STAM: variants seen among roughly 807,000 people sequenced by gnomAD.
The protein encoded by STAM is signal transducing adapter molecule 1.
In STAM, 16 loss-of-function variants were observed where a neutral mutation model predicts 63.4. That is an observed-to-expected ratio of 0.25 (90% CI 0.17 to 0.38). The LOEUF (loss-of-function observed/expected upper bound fraction) is 0.38, where lower values mean the gene tolerates loss of function less well. Ranked by LOEUF, STAM falls within the 10% of genes least tolerant of loss-of-function variation. STAM has a pLI of 1.00. For synonymous variants in STAM, 238 were observed against 223.9 expected (o/e 1.06, Z -0.56); for missense variants, 636 against 657.1 (o/e 0.97, Z 0.35).
At chr10:17,650,715 T>C (rs1833702754) in intron 1 of STAM, among the ~76,000 whole-genome samples, 1 of 152,272 alleles carries the variant, frequency 6.6e-6, no homozygotes, top group African/African-American at 2.4e-5. Context: ...ATTTTCCAGA[T>C]GGCTGATGGT....
intron 9 of STAM, among the ~76,000 whole-genome samples, chr10:17,701,541 C>A (rs1434207093): frequency 2.6e-5 from 4 of 152,162 alleles, no homozygotes; most frequent in African/African-American, 9.7e-5. Context: ...TGAGTAGTAG[C>A]AACAGAGATC....
chr10:17,673,753 C>T (rs1834734282), intron 2 of STAM, among the ~76,000 whole-genome samples: 1 of 152,230 alleles, frequency 6.6e-6, no homozygotes, highest in Non-Finnish European at 1.5e-5. Flanking sequence ...ACTCTGGAGT[C>T]AGATTGTCTG....
At chr10:17,707,990 A>G (rs1047709236) in intron 12 of STAM, among the ~76,000 whole-genome samples, 14 of 151,840 alleles carry the variant, frequency 9.2e-5, no homozygotes, top group Admixed American at 8.5e-4. Context: ...TCCTGGGTTC[A>G]GGCCATTCTC....
At chr10:17,654,079 T>C (rs1833845041) in intron 1 of STAM, among the ~76,000 whole-genome samples, 1 of 152,182 alleles carries the variant, frequency 6.6e-6, no homozygotes, top group Non-Finnish European at 1.5e-5. Flanking sequence ...GAGCTGTGTC[T>C]TCAACCTGTG....
intron 2 of STAM, chr10:17,672,964 C>A: frequency 1.1e-6 from 1 of 929,170 alleles, no homozygotes; most frequent in Non-Finnish European, 1.3e-6. Flanking sequence ...TTTTTCTTTT[C>A]CCATCTCAAG....
At position 17,679,852 on chromosome 10, in the gene STAM, G is replaced by A. The variant is rs547590370; in HGVS notation, c.126-4823G>A. Among the ~76,000 whole-genome samples the A allele has an allele frequency of 3.3e-5, 5 of 151,802 alleles. No individual in the cohort carries two copies. In the South Asian group the frequency reaches 8.3e-4, roughly 25 times the overall value. ...GTAGGAATTTGTCCATTTTAACTAG[G>A]TTATCCAATTTGTTGGCATAAAGTT... On this transcript the variant is annotated intron_variant, in intron 2 of 13. Coordinates refer to ENST00000377524, the MANE Select transcript of STAM (RefSeq NM_003473.4).
chr10:17,682,953 G>A (rs1407660212), intron 2 of STAM, among the ~76,000 whole-genome samples: 1 of 152,022 alleles, frequency 6.6e-6, no homozygotes, highest in Non-Finnish European at 1.5e-5. Context: ...TTTCCTTGGG[G>A]GACTTAACCG....
chr10:17,686,032 G>A (rs928980885), intron 4 of STAM, among the ~76,000 whole-genome samples: 1 of 152,084 alleles, frequency 6.6e-6, no homozygotes, highest in East Asian at 1.9e-4. Flanking sequence ...TAGAAAAATA[G>A]CAGTATAGAA....
intron 5 of STAM, among the ~76,000 whole-genome samples, chr10:17,690,999 A>G (rs1835506552): frequency 6.6e-6 from 1 of 152,224 alleles, no homozygotes; most frequent in Non-Finnish European, 1.5e-5. Flanking sequence ...TTCACACACC[A>G]TAAAAGTTCA....
At chr10:17,664,034 A>G (rs1429033339) in intron 2 of STAM, among the ~76,000 whole-genome samples, 2 of 151,982 alleles carry the variant, frequency 1.3e-5, no homozygotes, top group East Asian at 3.8e-4. Flanking sequence ...ATATTAAAAC[A>G]TTTTCTTTGA....
chr10:17,674,342 T>C (rs1417582077), intron 2 of STAM, among the ~76,000 whole-genome samples: 6 of 152,326 alleles, frequency 3.9e-5, no homozygotes, highest in Admixed American at 1.3e-4. Flanking sequence ...CTCAAAGTTA[T>C]GTGGGTTAAC....
intron 2 of STAM, among the ~76,000 whole-genome samples, chr10:17,678,417 TAA>T (rs2131618215): frequency 6.6e-6 from 1 of 152,168 alleles, no homozygotes; most frequent in African/African-American, 2.4e-5. Flanking sequence ...TGTGCCTGGC[TAA>T]GTTTTTGTAT....
intron 8 of STAM, among the ~76,000 whole-genome samples, chr10:17,699,857 C>G (rs1554828128): frequency 6.6e-6 from 1 of 152,032 alleles, no homozygotes; most frequent in Non-Finnish European, 1.5e-5. Context: ...TCACTTAGGC[C>G]ATTGTAAAAC....
chr10:17,671,212 T>A (rs550676684), intron 2 of STAM, among the ~76,000 whole-genome samples: 44 of 152,334 alleles, frequency 2.9e-4, no homozygotes, highest in African/African-American at 8.7e-4. Context: ...AATATAGACG[T>A]ACATATGTCC....
chr10:17,710,107 T>G (rs1157426759), intron 13 of STAM, among the ~76,000 whole-genome samples: 2 of 151,948 alleles, frequency 1.3e-5, no homozygotes, highest in African/African-American at 4.8e-5. Context: ...CTAGGGTTCC[T>G]GACTTAATAG....
At chr10:17,712,039 A>G (rs986764680) in intron 13 of STAM, among the ~76,000 whole-genome samples, 1 of 152,242 alleles carries the variant, frequency 6.6e-6, no homozygotes, top group Non-Finnish European at 1.5e-5. Context: ...GATAAGAGAA[A>G]GAAGTATTGG....
At chr10:17,649,399 A>C (rs1833649190) in intron 1 of STAM, among the ~76,000 whole-genome samples, 1 of 151,934 alleles carries the variant, frequency 6.6e-6, no homozygotes, top group African/African-American at 2.4e-5. Context: ...TCTTTAAAAA[A>C]AAAAAAAAAA....
chr10:17,667,667 A>G (rs1244047079), intron 2 of STAM, among the ~76,000 whole-genome samples: 1 of 152,238 alleles, frequency 6.6e-6, no homozygotes, highest in Non-Finnish European at 1.5e-5. Flanking sequence ...ATACTAACAG[A>G]TGATGGTCAA....
chr10:17,667,384 A>G (rs1256085608), intron 2 of STAM, among the ~76,000 whole-genome samples: 2 of 152,132 alleles, frequency 1.3e-5, no homozygotes, highest in African/African-American at 4.8e-5. Context: ...AGCCTCCCAA[A>G]GTGCTGGTAT....
Sources: gnomAD v4.1 joint callset for allele counts (sites outside exome capture counted in the v4.1 genomes callset) on GRCh38, gnomAD v4.1.1 for gene constraint, MANE v1.5 for transcripts, NCBI Gene and HGNC (gene_info 2026-07-23, HGNC 2026-07-21) for gene names.